Variants in CPNE2 observed in about 807,000 individuals in gnomAD.
CPNE2 encodes the protein copine 2, also known as copine-2.
In CPNE2, 42 loss-of-function variants were observed where a neutral mutation model predicts 69.7. That is an observed-to-expected ratio of 0.60 (90% confidence interval 0.47 to 0.78). The LOEUF is 0.78. Ranked by LOEUF, CPNE2 falls within the 30% of genes least tolerant of loss-of-function variation. CPNE2 has a pLI of 0.00. For synonymous variants in CPNE2, 294 were observed against 289.8 expected (o/e 1.01, Z -0.15); for missense variants, 587 against 732.0 (o/e 0.80, Z 2.29).
intron 14 of CPNE2, among the ~76,000 whole-genome samples, chr16:57,138,632 C>A (rs147444169): frequency 1.2e-5 from 1 of 81,644 alleles, no homozygotes; most frequent in East Asian, 3.8e-4. Context: ...GCCTCCTCCC[C>A]CAAGCAGCCT....
rs1294433493 is a variant in CPNE2 at position 57,121,287 on chromosome 16, C to A, written c.780+96C>A. The A allele has an allele frequency of 1.3e-5, 13 of 996,090 alleles. No homozygotes were observed. In the Admixed American group the frequency reaches 2.3e-4, roughly 18 times the overall value. The allele number at this position is 996,090 out of a possible 1,614,324, so 61.7% of individuals were successfully genotyped here. On this transcript the variant is annotated intron_variant, in intron 8 of 15. Coordinates refer to ENST00000290776, the MANE Select transcript of CPNE2 (RefSeq NM_152727.6). ...TCAGGCAGCCTGGGGCTGAGATCCCCCTTCTGGCTGCATGACCTTGAGCAA... is the reference window on the plus strand; with the variant it reads ...TCAGGCAGCCTGGGGCTGAGATCCCACTTCTGGCTGCATGACCTTGAGCAA...
chr16:57,115,523 C>A lies in CPNE2; in HGVS notation c.408C>A (p.Asp136Glu). Residue 136 changes from aspartate to glutamate, a missense_variant, in exon 4 of 16, where the codon GAC (aspartate) becomes GAA (glutamate). Asp to Glu is a conservative substitution (Grantham distance 45). This residue lies in a region of CPNE2 where 269 missense variants were observed against 300.5 expected (regional missense o/e 0.90). Transcript: ENST00000290776. ...KITRPLLLLNDKPAGKGLITI... is the reference protein window; with the variant it reads ...KITRPLLLLNEKPAGKGLITI... Reference sequence around the variant, plus strand: ...CTAGGCCTCTGCTGCTGCTGAATGACAAGCCTGCGGGGAAGGGCTTGATTA... The same window carrying A: ...CTAGGCCTCTGCTGCTGCTGAATGAAAAGCCTGCGGGGAAGGGCTTGATTA... 6.2e-7 allele frequency: 1 copy of A among 1,612,550 alleles called. No individual in the cohort carries two copies. Among genetic ancestry groups the A allele is most frequent in the Non-Finnish European group, 8.5e-7 (1 of 1,179,216 alleles).
chr16:57,116,122 G>A (rs1176666233), intron 4 of CPNE2, among the ~76,000 whole-genome samples: 5 of 152,080 alleles, frequency 3.3e-5, no homozygotes, highest in African/African-American at 4.8e-5. Context: ...GTGTGTTCCC[G>A]TGTGTTACTC....
intron 15 of CPNE2, 100 bp from the exon 16 acceptor site, chr16:57,147,451 C>A: frequency 1.2e-6 from 1 of 807,726 alleles, no homozygotes; most frequent in Non-Finnish European, 1.9e-6. Context: ...CCTCAATGGA[C>A]ACCTGCTGTA....
intron 12 of CPNE2, among the ~76,000 whole-genome samples, chr16:57,132,153 G>C (rs941837925): frequency 7.2e-5 from 11 of 152,202 alleles, no homozygotes; most frequent in African/African-American, 2.7e-4. Flanking sequence ...AAGCTAGAAG[G>C]AACCAGAAGG....
In CPNE2 at chr16:57,092,972, G is replaced by A. The variant is rs2145226396; in HGVS notation, c.-36+182G>A. On this transcript the variant is annotated intron_variant, in intron 1 of 15. Transcript: ENST00000290776. The surrounding 1 kb of genome is among the most constrained non-coding windows in gnomAD (Gnocchi z 5.3). ...TCCGGCGCTTCGGTGACTCAGCTCC[G>A]ACCCGGCCACGCGGGGGCGCCCCGC... Among the ~76,000 whole-genome samples the A allele has an allele frequency of 1.3e-5, 2 of 152,212 alleles. 1 individual carries two copies. The highest frequency in any genetic ancestry group is 4.1e-4 in the South Asian group (2 of 4,828).
At chr16:57,097,019 C>CCATT (rs1347016269) in intron 1 of CPNE2, among the ~76,000 whole-genome samples, 1 of 151,932 alleles carries the variant, frequency 6.6e-6, no homozygotes, top group African/African-American at 2.4e-5. Flanking sequence ...GTTCAGGAGC[C>CCATT]CATTCATTCA....
chr16:57,104,030 C>T (rs1332888173), intron 1 of CPNE2, among the ~76,000 whole-genome samples: 1 of 152,210 alleles, frequency 6.6e-6, no homozygotes, highest in East Asian at 1.9e-4. Flanking sequence ...AATTCTCCTG[C>T]CTCAGCTTCC....
chr16:57,107,296 G>C (rs749104435), intron 1 of CPNE2, among the ~76,000 whole-genome samples: 28 of 152,234 alleles, frequency 1.8e-4, no homozygotes, highest in Non-Finnish European at 2.6e-4. Flanking sequence ...CTCTGAGCTC[G>C]TGTGATTATA....
rs1048981327 is a variant in CPNE2, at chr16:57,118,532, A to C, written c.508-663A>C. On this transcript the variant is annotated intron_variant, in intron 5 of 15. Transcript: ENST00000290776. ...TTGAATATAACCTCTTTAAAGTAACAGTTGCCAGGTGCAGCGGCTCACACC... is the reference window on the plus strand; with the variant it reads ...TTGAATATAACCTCTTTAAAGTAACCGTTGCCAGGTGCAGCGGCTCACACC... Among the ~76,000 whole-genome samples, 7 of 151,972 alleles carry C rather than the reference A, an allele frequency of 4.6e-5. No homozygotes were observed. In the East Asian group the frequency reaches 1.4e-3, roughly 29 times the overall value.
chr16:57,117,388 C>T (rs776553984), intron 4 of CPNE2, 108 bp from the exon 5 acceptor site: 3 of 1,099,084 alleles, frequency 2.7e-6, no homozygotes, highest in Non-Finnish European at 4.0e-6. Flanking sequence ...AACTGCCCTT[C>T]CCTTCCCCCT....
intron 1 of CPNE2, among the ~76,000 whole-genome samples, chr16:57,106,912 G>A (rs1290186714): frequency 6.6e-6 from 1 of 152,216 alleles, no homozygotes; most frequent in Non-Finnish European, 1.5e-5. Flanking sequence ...GGCTGTCCCT[G>A]CCTAGGTCCC....
Position 57,147,633 on chromosome 16 carries a change from C to T in CPNE2, c.1622C>T (p.Pro541Leu), listed in dbSNP as rs1322750726. The change falls in exon 16 of 16, where the codon CCC (proline) becomes CTC (leucine). Residue 541 changes from proline to leucine, a missense_variant. Coordinates refer to ENST00000290776, the MANE Select transcript of CPNE2 (RefSeq NM_152727.6). Reference protein sequence around the residue: ...VVQYFKHKNLPPTNSEPA With the variant: ...VVQYFKHKNLLPTNSEPA ...CAGTATTTCAAGCATAAAAACCTGC[C>T]CCCCACCAACTCGGAGCCCGCCTGA... 3 of 1,603,914 alleles carry T rather than the reference C, an allele frequency of 1.9e-6. No homozygotes were observed. The highest frequency in any genetic ancestry group is 2.7e-5 in the African/African-American group (2 of 74,826).
At chr16:57,121,591 TG>T (rs2069762376) in intron 8 of CPNE2, 82 bp from the exon 9 acceptor site, 1 of 1,350,638 alleles carries the variant, frequency 7.4e-7, no homozygotes, top group African/African-American at 1.4e-5. Context: ...GTCAAGCCTG[TG>T]GAAGGGATTC....
intron 1 of CPNE2, chr16:57,093,975 C>T (rs537966946): frequency 2.2e-6 from 1 of 452,118 alleles, no homozygotes; most frequent in Middle Eastern, 3.3e-4. Flanking sequence ...CCCTCCCCCC[C>T]TGTGGCCCTC....
chr16:57,119,141 C>T, intron 5 of CPNE2, 54 bp from the exon 6 acceptor site: 3 of 1,527,648 alleles, frequency 2.0e-6, no homozygotes, highest in Non-Finnish European at 1.8e-6. Context: ...CCCCCATCTG[C>T]CTGAACCTAG....
chr16:57,115,271 T>C (rs1471783999), intron 3 of CPNE2, among the ~76,000 whole-genome samples: 1 of 152,050 alleles, frequency 6.6e-6, no homozygotes, highest in Non-Finnish European at 1.5e-5. Flanking sequence ...GCGGGTCTCT[T>C]ACCCTCTCTG....
chr16:57,119,660 C>G lies in CPNE2; in HGVS notation c.681+10C>G, dbSNP rs2145256905. ...GGAGAAGCCCATCCAGGTGAGGGGGCTCTGGGGACCCTGCTCCCCACCTTG... is the reference window on the plus strand; with the variant it reads ...GGAGAAGCCCATCCAGGTGAGGGGGGTCTGGGGACCCTGCTCCCCACCTTG... On this transcript the variant is annotated intron_variant, in intron 7 of 15. Transcript: ENST00000290776. 1 of 1,589,228 alleles carries G rather than the reference C, an allele frequency of 6.3e-7. No homozygotes were observed. The highest frequency in any genetic ancestry group is 2.2e-5 in the East Asian group (1 of 44,470).
intron 12 of CPNE2, among the ~76,000 whole-genome samples, chr16:57,131,883 CG>C (rs1296313969): frequency 6.6e-6 from 1 of 152,220 alleles, no homozygotes; most frequent in African/African-American, 2.4e-5. Flanking sequence ...CCTAGAATTT[CG>C]GGGAGTGGCC....
Sources: gnomAD v4.1 joint callset for allele counts (sites outside exome capture counted in the v4.1 genomes callset) on GRCh38, gnomAD v4.1.1 for gene constraint, gnomAD v4.1.1 regional missense constraint, Gnocchi (gnomAD v3.1) non-coding constraint, MANE v1.5 for transcripts, NCBI Gene and HGNC (gene_info 2026-07-23, HGNC 2026-07-21) for gene names.